The following RELCH variants were observed in gnomAD, a reference collection of about 807,000 sequenced individuals.
The protein encoded by RELCH is RAB11-binding protein RELCH.
In RELCH, 41 loss-of-function variants were observed where a neutral mutation model predicts 150.3. That is an observed-to-expected ratio of 0.27 (90% confidence interval 0.21 to 0.35). RELCH has a LOEUF of 0.35. RELCH is among the 10% of genes least tolerant of loss of function. RELCH has a pLI of 1.00. For missense variants in RELCH, 1,092 were observed against 1,467.8 expected (o/e 0.74, Z 4.18); for synonymous variants, 478 against 531.8 (o/e 0.90, Z 1.39).
intron 10 of RELCH, among the ~76,000 whole-genome samples, chr18:62,239,760 C>T (rs950228445): frequency 6.6e-6 from 1 of 152,024 alleles, no homozygotes. Context: ...CGTGTTAGTG[C>T]TGTTTATCAT....
At chr18:62,223,247 G>T (rs1293979693) in intron 5 of RELCH, among the ~76,000 whole-genome samples, 2 of 150,986 alleles carry the variant, frequency 1.3e-5, no homozygotes, top group East Asian at 3.9e-4. Context: ...AACTGATTAG[G>T]AAAAAGAGAG....
intron 18 of RELCH, 29 bp downstream of exon 18, chr18:62,264,881 T>C: frequency 1.9e-6 from 3 of 1,564,354 alleles, no homozygotes; most frequent in South Asian, 1.2e-5. Flanking sequence ...TGTTTTCTTA[T>C]ATGAAAAAGA....
At chr18:62,266,245 A>AT (rs750536109) in intron 18 of RELCH, among the ~76,000 whole-genome samples, 5 of 151,694 alleles carry the variant, frequency 3.3e-5, no homozygotes, top group Non-Finnish European at 7.4e-5. Context: ...ATATCACAGG[A>AT]TGAATATGTT....
chr18:62,221,205 T>G lies in RELCH; in HGVS notation c.689-14T>G, dbSNP rs2040849734. 1 of 1,605,336 alleles carries G rather than the reference T, an allele frequency of 6.2e-7. No homozygotes were observed. Among genetic ancestry groups the G allele is most frequent in the African/African-American group, 1.3e-5 (1 of 74,628 alleles). ...GTAAAATAGTAAAATAGTACTTATG[T>G]TTTTTTCCACCAGAACATGAAGTTC... is the stretch of plus-strand genomic sequence containing the variant. On this transcript the variant is annotated splice_polypyrimidine_tract_variant and intron_variant, in intron 3 of 28. Transcript: ENST00000644646.
intron 10 of RELCH, among the ~76,000 whole-genome samples, chr18:62,237,032 G>T (rs74873774): frequency 0.089 from 13,432 of 151,426 alleles, 675 homozygotes; most frequent in Middle Eastern, 0.17. Context: ...ATTAATTCTT[G>T]ATTTCTTCCT....
intron 22 of RELCH, among the ~76,000 whole-genome samples, chr18:62,275,927 C>G (rs1468317639): frequency 6.6e-6 from 1 of 152,090 alleles, no homozygotes; most frequent in Non-Finnish European, 1.5e-5. Flanking sequence ...TCACTATTCC[C>G]TAACATTTCA....
Position 62,227,618 on chromosome 18 carries a change from A to G in RELCH, c.1083A>G (p.Lys361=). ...QPAENSMLVQ[K]LEDKISLLNS... is the part of the protein sequence containing the mutation. ...TTTAGAACTCCATGTTAGTACAGAA[A>G]TTAGAAGATAAAATTAGTTTGTTAA... Residue 361 remains lysine, a synonymous_variant, in exon 7 of 29, where the codon AAA becomes AAG. Coordinates refer to ENST00000644646, the MANE Select transcript of RELCH (RefSeq NM_001346231.2). 1 of 1,559,818 alleles carries G rather than the reference A, an allele frequency of 6.4e-7. No individual in the cohort carries two copies. The highest frequency in any genetic ancestry group is 8.8e-7 in the Non-Finnish European group (1 of 1,138,578).
At position 62,261,663 on chromosome 18, in the gene RELCH, T is replaced by C; in HGVS notation, c.2350+5T>C. 6.3e-7 allele frequency: 1 copy of C among 1,599,634 alleles called. No homozygotes were observed. Among genetic ancestry groups the C allele is most frequent in the Non-Finnish European group, 8.5e-7 (1 of 1,173,378 alleles). On this transcript the variant is annotated splice_donor_5th_base_variant and intron_variant, in intron 16 of 28. Transcript: ENST00000644646. ...GTGAAGTGCCACAGATAGAAGGTAC[T>C]GAACTTAAATTCTGGAAGAAAAATG...
intron 26 of RELCH, 43 bp downstream of exon 26, chr18:62,287,510 A>G (rs769050535): frequency 1.0e-6 from 1 of 993,932 alleles, no homozygotes; most frequent in Non-Finnish European, 1.6e-6. Flanking sequence ...TATGTAACCA[A>G]TCTTAGAGTG....
intron 2 of RELCH, among the ~76,000 whole-genome samples, chr18:62,211,847 T>C (rs2040190774): frequency 2.0e-5 from 3 of 152,150 alleles, no homozygotes; most frequent in Admixed American, 2.0e-4. Context: ...AAACTTTGCC[T>C]TGAGTTCCCT....
At position 62,305,357 on chromosome 18, in the gene RELCH, A is replaced by C; in HGVS notation, c.3531-57A>C. On this transcript the variant is annotated intron_variant, in intron 28 of 28. Transcript: ENST00000644646. This position sits in a 1 kb window ranked among gnomAD's most constrained non-coding sequence, Gnocchi z 4.0. ...TCGTTAATGATATGCTACTAAATAA[A>C]TGAAAAATTTTTATTTTTTTAATTG... is the stretch of plus-strand genomic sequence containing the variant. 1 of 1,500,464 alleles carries C rather than the reference A, an allele frequency of 6.7e-7. No individual in the cohort carries two copies. The highest frequency in any genetic ancestry group is 2.4e-5 in the East Asian group (1 of 42,440). The allele number at this position is 1,500,464 out of a possible 1,614,324, so 92.9% of individuals were successfully genotyped here.
Position 62,221,137 on chromosome 18 carries a change from T to G in RELCH, c.688+29T>G, listed in dbSNP as rs777459365. The G allele has an allele frequency of 4.4e-6, 7 of 1,608,528 alleles. No homozygotes were observed. In the East Asian group the frequency reaches 1.6e-4, roughly 36 times the overall value. ...GTGTACATAAAACTTTTTTGAGACT[T>G]TTCAACTTTGACAATGTAGAAGTAG... On this transcript the variant is annotated intron_variant, in intron 3 of 28. Transcript: ENST00000644646.
At chr18:62,275,278 T>C (rs145866965) in intron 21 of RELCH, 96 bp from the exon 22 acceptor site, 85 of 584,700 alleles carry the variant, frequency 1.5e-4, no homozygotes, top group Non-Finnish European at 1.4e-4. Flanking sequence ...CAAATATTAT[T>C]ATCATTAATA....
intron 25 of RELCH, among the ~76,000 whole-genome samples, chr18:62,283,327 C>A (rs570677441): frequency 1.3e-5 from 2 of 152,118 alleles, no homozygotes; most frequent in Non-Finnish European, 2.9e-5. Flanking sequence ...ACATTTATGG[C>A]CACAATTTCT....
At chr18:62,259,615 T>C (rs1568393727) in intron 15 of RELCH, among the ~76,000 whole-genome samples, 1 of 151,896 alleles carries the variant, frequency 6.6e-6, no homozygotes, top group Non-Finnish European at 1.5e-5. Flanking sequence ...AGGACATTCT[T>C]TAAGATATAG....
At chr18:62,298,415 C>T (rs747745594) in intron 27 of RELCH, among the ~76,000 whole-genome samples, 8 of 152,012 alleles carry the variant, frequency 5.3e-5, no homozygotes, top group South Asian at 2.1e-4. Context: ...AGCAAAGGGG[C>T]GTAGAACAGG....
intron 10 of RELCH, among the ~76,000 whole-genome samples, chr18:62,243,251 A>C (rs1482260517): frequency 6.6e-6 from 1 of 152,084 alleles, no homozygotes; most frequent in Non-Finnish European, 1.5e-5. Flanking sequence ...AATATTGTTA[A>C]ATTTCCAGCC....
At chr18:62,301,057 A>G (rs1045374495) in intron 28 of RELCH, 3 of 152,234 alleles carry the variant, frequency 2.0e-5, no homozygotes, top group Admixed American at 6.5e-5. Context: ...ATGCCTGCAA[A>G]TGGTTCCAAG....
chr18:62,288,589 G>A (rs993005856), intron 26 of RELCH, among the ~76,000 whole-genome samples: 3 of 152,022 alleles, frequency 2.0e-5, no homozygotes, highest in Non-Finnish European at 4.4e-5. Flanking sequence ...AGTTTATGTT[G>A]GAAATCTATT....
Sources: gnomAD v4.1 joint callset for allele counts (sites outside exome capture counted in the v4.1 genomes callset) on GRCh38, gnomAD v4.1.1 for gene constraint, Gnocchi (gnomAD v3.1) non-coding constraint, MANE v1.5 for transcripts, NCBI Gene and HGNC (gene_info 2026-07-23, HGNC 2026-07-21) for gene names.